CLVS1: variants seen among roughly 807,000 people sequenced by gnomAD.
CLVS1 encodes the protein clavesin-1.
In CLVS1, 10 loss-of-function variants were observed where a neutral mutation model predicts 33.1. That is an observed-to-expected ratio of 0.30 (90% CI 0.19 to 0.51). The LOEUF is 0.51. Among genes scored for constraint, CLVS1 ranks in the 20% least tolerant of loss-of-function variants. The pLI, the probability that CLVS1 is intolerant of heterozygous loss-of-function variation, is 0.97. For missense variants in CLVS1, 343 were observed against 433.4 expected, an observed-to-expected ratio of 0.79 and a Z score of 1.85; for synonymous variants, 163 against 166.1, an observed-to-expected ratio of 0.98 and a Z score of 0.14.
intron 2 of CLVS1, among the ~76,000 whole-genome samples, chr8:61,151,617 G>A (rs910978877): frequency 8.5e-5 from 13 of 152,108 alleles, no homozygotes; most frequent in Admixed American, 3.3e-4. Context: ...AGGCAGTGAG[G>A]GATGGGAGCA....
chr8:61,281,971 G>A (rs1433353315), intron 2 of CLVS1, among the ~76,000 whole-genome samples: 2 of 152,164 alleles, frequency 1.3e-5, no homozygotes, highest in East Asian at 3.9e-4. Flanking sequence ...TACACCTTTT[G>A]CAATGCCTTT....
chr8:61,124,637 T>C (rs73257915), intron 1 of CLVS1, among the ~76,000 whole-genome samples: 3,568 of 152,294 alleles, frequency 0.023, 149 homozygotes, highest in African/African-American at 0.082. Flanking sequence ...CTTGTAACCT[T>C]GCAGAAGTCA....
At chr8:61,059,769 C>G (rs1448886326) in intron 1 of CLVS1, among the ~76,000 whole-genome samples, 1 of 151,338 alleles carries the variant, frequency 6.6e-6, no homozygotes, top group Non-Finnish European at 1.5e-5. Context: ...CGAGATCACA[C>G]CAAGGCACTC....
chr8:61,367,199 C>G (rs1813245489), intron 2 of CLVS1, among the ~76,000 whole-genome samples: 1 of 152,136 alleles, frequency 6.6e-6, no homozygotes, highest in Non-Finnish European at 1.5e-5. Flanking sequence ...TGCTGCCAGC[C>G]CAAATCTCCC....
chr8:61,396,792 A>G (rs1814545686), intron 3 of CLVS1, among the ~76,000 whole-genome samples: 2 of 152,212 alleles, frequency 1.3e-5, no homozygotes, highest in Non-Finnish European at 2.9e-5. Flanking sequence ...ATCATACAAT[A>G]TGCGGTCCTT....
At chr8:61,444,366 T>G (rs1188246314) in intron 3 of CLVS1, among the ~76,000 whole-genome samples, 1 of 152,194 alleles carries the variant, frequency 6.6e-6, no homozygotes, top group Non-Finnish European at 1.5e-5. Flanking sequence ...TACAGGTTTT[T>G]GGCAGATGTT....
intron 2 of CLVS1, among the ~76,000 whole-genome samples, chr8:61,307,499 G>C (rs1394119372): frequency 6.6e-6 from 1 of 152,128 alleles, no homozygotes; most frequent in East Asian, 1.9e-4. Flanking sequence ...TCAGACTCAG[G>C]GTTGTAAAGG....
chr8:61,067,123 C>G (rs759097221), intron 1 of CLVS1, among the ~76,000 whole-genome samples: 7 of 152,170 alleles, frequency 4.6e-5, no homozygotes, highest in Admixed American at 1.3e-4. Flanking sequence ...GAAATAATTT[C>G]TCCTACACCC....
chr8:61,445,808 T>G (rs1462838560), intron 3 of CLVS1, among the ~76,000 whole-genome samples: 1 of 152,238 alleles, frequency 6.6e-6, no homozygotes, highest in Non-Finnish European at 1.5e-5. Context: ...ACTTTTATTC[T>G]TGGTAGATTT....
intron 1 of CLVS1, among the ~76,000 whole-genome samples, chr8:61,127,373 C>T (rs1053977173): frequency 1.3e-5 from 2 of 152,054 alleles, no homozygotes; most frequent in Non-Finnish European, 2.9e-5. Context: ...GTGTGCGCCA[C>T]CATGCTGGGC....
At chr8:61,385,856 G>A (rs1427490935) in intron 3 of CLVS1, among the ~76,000 whole-genome samples, 2 of 151,398 alleles carry the variant, frequency 1.3e-5, no homozygotes, top group Non-Finnish European at 3.0e-5. Context: ...GCCCACCCAA[G>A]GTTCTACACC....
At chr8:61,362,711 A>G (rs1585861795) in intron 2 of CLVS1, among the ~76,000 whole-genome samples, 1 of 152,216 alleles carries the variant, frequency 6.6e-6, no homozygotes, top group East Asian at 1.9e-4. Context: ...ACTATTAATT[A>G]CAAAGATTCC....
chr8:61,123,271 A>AAATAATAATAATAATAATAAT lies in CLVS1; in HGVS notation c.-242-8493_-242-8473dup, dbSNP rs58959777. ...GAAACAAGAGTGAAACTCTGTCTCA[A>AAATAATAATAATAATAATAAT]AATAATAATAATAATAATAATAATA... On this transcript the variant is annotated intron_variant, in intron 1 of 2. Transcript: ENST00000522621. Among the ~76,000 whole-genome samples, 4 of 146,868 alleles carry AAATAATAATAATAATAATAAT rather than the reference A, an allele frequency of 2.7e-5. 1 individual carries two copies. Among genetic ancestry groups the AAATAATAATAATAATAATAAT allele is most frequent in the African/African-American group, 1.0e-4 (4 of 39,470 alleles).
At chr8:61,147,330 A>G (rs1270225989) in intron 2 of CLVS1, among the ~76,000 whole-genome samples, 2 of 152,210 alleles carry the variant, frequency 1.3e-5, no homozygotes, top group African/African-American at 4.8e-5. Flanking sequence ...TTTTGATGGC[A>G]GTTCTATTTC....
chr8:61,013,177 G>A, the CLVS1 span, among the ~76,000 whole-genome samples: 91 of 152,206 alleles, frequency 6.0e-4, no homozygotes, highest in Admixed American at 3.3e-3. Flanking sequence ...CTGGCCATTC[G>A]GTGGTCCACA....
chr8:61,408,957 C>T (rs1815106805), intron 3 of CLVS1, among the ~76,000 whole-genome samples: 1 of 152,164 alleles, frequency 6.6e-6, no homozygotes, highest in Non-Finnish European at 1.5e-5. Flanking sequence ...TCAGGCCACT[C>T]ATCAGCATCG....
intron 2 of CLVS1, among the ~76,000 whole-genome samples, chr8:61,252,770 T>C (rs2129591757): frequency 6.6e-6 from 1 of 152,332 alleles, no homozygotes; most frequent in African/African-American, 2.4e-5. Flanking sequence ...TCCATTTGCT[T>C]GGTAAATATT....
At chr8:61,371,993 C>T (rs760600836) in intron 2 of CLVS1, among the ~76,000 whole-genome samples, 2 of 152,180 alleles carry the variant, frequency 1.3e-5, no homozygotes, top group African/African-American at 2.4e-5. Context: ...ACATAGTCCT[C>T]TCACATACAT....
At chr8:61,124,518 C>T (rs2129290180) in intron 1 of CLVS1, among the ~76,000 whole-genome samples, 1 of 152,166 alleles carries the variant, frequency 6.6e-6, no homozygotes, top group South Asian at 2.1e-4. Flanking sequence ...TGTCTTGTCC[C>T]CTCTCTAGTT....
Sources: gnomAD v4.1 joint callset for allele counts (sites outside exome capture counted in the v4.1 genomes callset) on GRCh38, gnomAD v4.1.1 for gene constraint, MANE v1.5 for transcripts, NCBI Gene and HGNC (gene_info 2026-07-23, HGNC 2026-07-21) for gene names.